GRID2: variants seen among roughly 807,000 people sequenced by gnomAD.
The protein encoded by GRID2 is glutamate ionotropic receptor delta type subunit 2, also known as glutamate receptor ionotropic, delta-2.
A neutral mutation model predicts 114.8 loss-of-function variants in GRID2; 33 were observed. The ratio of observed to expected loss-of-function variants is 0.29; its 90% CI spans 0.22 to 0.38. GRID2 has a LOEUF of 0.38. Among genes scored for constraint, GRID2 ranks in the 10% least tolerant of loss-of-function variants. The pLI, the probability that GRID2 is intolerant of heterozygous loss-of-function variation, is 1.00. For synonymous variants in GRID2, 505 were observed against 449.9 expected (o/e 1.12, Z -1.55); for missense variants, 1,184 against 1,257.7 (o/e 0.94, Z 0.89).
At chr4:93,454,992 T>A (rs2149410803) in intron 10 of GRID2, among the ~76,000 whole-genome samples, 1 of 152,276 alleles carries the variant, frequency 6.6e-6, no homozygotes, top group African/African-American at 2.4e-5. Context: ...AAGAGTGCTA[T>A]CACTGAGAAT....
At chr4:92,374,297 C>G (rs1206796958) in intron 1 of GRID2, among the ~76,000 whole-genome samples, 1 of 152,136 alleles carries the variant, frequency 6.6e-6, no homozygotes, top group Non-Finnish European at 1.5e-5. Context: ...TATCTTAACC[C>G]AGGCATTCAT....
chr4:92,841,910 G>A (rs1310803612), intron 2 of GRID2, among the ~76,000 whole-genome samples: 2 of 151,850 alleles, frequency 1.3e-5, no homozygotes, highest in Non-Finnish European at 2.9e-5. Flanking sequence ...TACCAGCTAA[G>A]GACTGTGAAG....
intron 13 of GRID2, among the ~76,000 whole-genome samples, chr4:93,607,827 G>T (rs1175975703): frequency 1.3e-5 from 2 of 151,810 alleles, no homozygotes; most frequent in East Asian, 1.9e-4. Context: ...ATTTTGCATT[G>T]CCTCTTCAGA....
intron 2 of GRID2, among the ~76,000 whole-genome samples, chr4:92,907,947 C>T (rs1263437255): frequency 6.6e-6 from 1 of 151,940 alleles, no homozygotes; most frequent in African/African-American, 2.4e-5. Flanking sequence ...CGCTTGAATC[C>T]GGGAGGCAGA....
chr4:93,592,607 A>G (rs1738507738), intron 13 of GRID2, among the ~76,000 whole-genome samples: 1 of 152,060 alleles, frequency 6.6e-6, no homozygotes, highest in Non-Finnish European at 1.5e-5. Flanking sequence ...ATTCCTCGGT[A>G]TCCTTGTTGA....
chr4:93,294,203 T>G (rs947327741), intron 8 of GRID2, among the ~76,000 whole-genome samples: 4 of 70,250 alleles, frequency 5.7e-5, no homozygotes, highest in Non-Finnish European at 1.0e-4. Flanking sequence ...CCTTGTTTGC[T>G]CCACAAAAAA....
chr4:92,370,799 A>C (rs948400422), intron 1 of GRID2, among the ~76,000 whole-genome samples: 6 of 152,168 alleles, frequency 3.9e-5, no homozygotes, highest in African/African-American at 1.4e-4. Flanking sequence ...TTATAAAAGT[A>C]GACTTCATGA....
At chr4:93,390,828 G>T (rs1423901251) in intron 8 of GRID2, among the ~76,000 whole-genome samples, 1 of 151,668 alleles carries the variant, frequency 6.6e-6, no homozygotes, top group Non-Finnish European at 1.5e-5. Flanking sequence ...TCTATATATA[G>T]ATATATGTAT....
At chr4:92,700,275 T>C (rs149563093) in intron 2 of GRID2, among the ~76,000 whole-genome samples, 1 of 152,198 alleles carries the variant, frequency 6.6e-6, no homozygotes, top group Non-Finnish European at 1.5e-5. Flanking sequence ...ACCCAATGTA[T>C]GCATTCATAG....
At chr4:93,524,823 G>GTGTATATATA (rs1486787585) in intron 13 of GRID2, among the ~76,000 whole-genome samples, 1 of 59,918 alleles carries the variant, frequency 1.7e-5, no homozygotes, top group Non-Finnish European at 2.9e-5. Context: ...ATGTATGTAT[G>GTGTATATATA]TATATATATA....
chr4:93,801,060 C>T (rs1734918388), intron 1 of GRID2, among the ~76,000 whole-genome samples: 1 of 152,060 alleles, frequency 6.6e-6, no homozygotes, highest in Non-Finnish European at 1.5e-5. Flanking sequence ...TCTATTTTTT[C>T]CCAGATCTAT....
chr4:92,661,168 A>G (rs1280513894), intron 2 of GRID2, among the ~76,000 whole-genome samples: 2 of 150,896 alleles, frequency 1.3e-5, no homozygotes, highest in Non-Finnish European at 3.0e-5. Flanking sequence ...TTTTAAAACC[A>G]TTCTTTTAAT....
chr4:92,818,136 T>C (rs535251314), intron 2 of GRID2, among the ~76,000 whole-genome samples: 1 of 152,228 alleles, frequency 6.6e-6, no homozygotes, highest in South Asian at 2.1e-4. Flanking sequence ...TCACATTATC[T>C]CAGGTGTCAC....
At chr4:93,579,334 G>A (rs750967146) in intron 13 of GRID2, among the ~76,000 whole-genome samples, 3 of 152,022 alleles carry the variant, frequency 2.0e-5, no homozygotes, top group Non-Finnish European at 2.9e-5. Flanking sequence ...GGTACCTTTT[G>A]TCGGGAAGCT....
intron 13 of GRID2, among the ~76,000 whole-genome samples, chr4:93,617,343 T>A (rs72889179): frequency 0.038 from 5,712 of 152,290 alleles, 357 homozygotes; most frequent in African/African-American, 0.13. Flanking sequence ...TGTTTTTAAC[T>A]GTGCATTGGT....
chr4:93,764,911 C>A (rs1380942402), intron 14 of GRID2, among the ~76,000 whole-genome samples: 1 of 152,022 alleles, frequency 6.6e-6, no homozygotes, highest in Admixed American at 6.6e-5. Context: ...TTTTGCAACT[C>A]AATTTTTGCA....
chr4:93,518,377 A>T (rs1282756863), intron 13 of GRID2, among the ~76,000 whole-genome samples: 1 of 152,172 alleles, frequency 6.6e-6, no homozygotes, highest in East Asian at 1.9e-4. Context: ...TAAACTAGAC[A>T]AATTTTTTTT....
At chr4:92,702,982 A>G (rs1240326864) in intron 2 of GRID2, among the ~76,000 whole-genome samples, 2 of 152,154 alleles carry the variant, frequency 1.3e-5, no homozygotes, top group African/African-American at 4.8e-5. Context: ...CAACTGACCT[A>G]CAACCATTAA....
chr4:93,800,973 A>G (rs922364564), intron 1 of GRID2, among the ~76,000 whole-genome samples: 4 of 152,218 alleles, frequency 2.6e-5, no homozygotes, highest in African/African-American at 9.6e-5. Context: ...TCATTAGCAC[A>G]AAAACGTAAT....
Sources: allele counts gnomAD v4.1 joint callset (sites outside exome capture counted in the v4.1 genomes callset), GRCh38; gene constraint gnomAD v4.1.1; transcripts MANE v1.5; gene names NCBI Gene and HGNC (gene_info 2026-07-23, HGNC 2026-07-21).